Variants in ANO3 observed in about 807,000 individuals in gnomAD.
ANO3 encodes the protein anoctamin 3, also known as anoctamin-3.
ANO3 carries 99 observed loss-of-function variants against 144.8 expected under a neutral mutation model. That is an observed-to-expected ratio of 0.68 (90% confidence interval 0.58 to 0.81). The LOEUF (loss-of-function observed/expected upper bound fraction) is 0.81. Among genes scored for constraint, ANO3 ranks in the 30% least tolerant of loss-of-function variants. The pLI is 0.00. For synonymous variants in ANO3, 414 were observed against 392.6 expected (o/e 1.05, Z -0.64); for missense variants, 905 against 1,202.2 (o/e 0.75, Z 3.66).
At chr11:26,383,193 T>A (rs1856632528) in intron 1 of ANO3, among the ~76,000 whole-genome samples, 1 of 152,178 alleles carries the variant, frequency 6.6e-6, no homozygotes, top group African/African-American at 2.4e-5. Context: ...CATAATCACT[T>A]CTGAGATAGA....
chr11:26,407,783 G>T (rs1422806021), intron 1 of ANO3, among the ~76,000 whole-genome samples: 9 of 151,776 alleles, frequency 5.9e-5, no homozygotes, highest in Non-Finnish European at 1.3e-4. Flanking sequence ...TTTGAGAGCT[G>T]CTCCATGCTT....
chr11:26,615,414 ATTTT>A (rs66840659), intron 17 of ANO3, among the ~76,000 whole-genome samples: 2 of 130,682 alleles, frequency 1.5e-5, no homozygotes, highest in African/African-American at 3.0e-5. Context: ...ATATATATAT[ATTTT>A]TTTTTTTTCA....
chr11:26,480,189 T>C (rs1860155044), intron 4 of ANO3, among the ~76,000 whole-genome samples: 2 of 152,192 alleles, frequency 1.3e-5, no homozygotes, highest in African/African-American at 4.8e-5. Flanking sequence ...CAAACTTCCG[T>C]GATATTCTTC....
At chr11:26,443,905 A>C (rs970342798) in intron 3 of ANO3, 69 bp downstream of exon 3, 2 of 1,078,916 alleles carry the variant, frequency 1.9e-6, no homozygotes, top group African/African-American at 3.2e-5. Flanking sequence ...TCTTCTAAAA[A>C]AAACTAGCAT....
chr11:26,544,246 TTATACATATATATA>T lies in ANO3; in HGVS notation c.1154+2183_1154+2196del, dbSNP rs1317571056. On this transcript the variant is annotated intron_variant, in intron 11 of 26. Transcript: ENST00000256737. ...TTTTTTAAGGTTAAGTAGTATTTCA[TTATACATATATATA>T]TATATATATATATACACACATACAC... Among the ~76,000 whole-genome samples, 30 of 14,072 alleles carry T rather than the reference TTATACATATATATA, an allele frequency of 2.1e-3. No individual in the cohort carries two copies. The South Asian group carries it at 0.14, about 67-fold the overall frequency. The allele number at this position is 14,072 out of a possible 152,430, so 9.2% of individuals were successfully genotyped here.
intron 20 of ANO3, among the ~76,000 whole-genome samples, chr11:26,637,138 G>A (rs2133048233): frequency 6.6e-6 from 1 of 152,206 alleles, no homozygotes; most frequent in South Asian, 2.1e-4. Context: ...CCACCATTAT[G>A]TGAATGGACA....
intron 6 of ANO3, among the ~76,000 whole-genome samples, chr11:26,518,012 C>A (rs1861924846): frequency 6.6e-6 from 1 of 151,970 alleles, no homozygotes; most frequent in Non-Finnish European, 1.5e-5. Flanking sequence ...TTTAAAAATT[C>A]TCTATAGACT....
At chr11:26,497,919 C>A (rs1861031908) in intron 4 of ANO3, among the ~76,000 whole-genome samples, 1 of 151,912 alleles carries the variant, frequency 6.6e-6, no homozygotes, top group Admixed American at 6.6e-5. Context: ...TCAGTAAATT[C>A]TAAAGTCTTT....
chr11:26,492,731 A>G (rs768835270), intron 4 of ANO3, among the ~76,000 whole-genome samples: 16 of 152,234 alleles, frequency 1.1e-4, no homozygotes, highest in Non-Finnish European at 1.0e-4. Context: ...TATGCCTAAA[A>G]TAGTAAAAGG....
chr11:26,299,584 G>A (rs756532432), intron 1 of ANO3, among the ~76,000 whole-genome samples: 2 of 151,834 alleles, frequency 1.3e-5, no homozygotes, highest in African/African-American at 2.4e-5. Flanking sequence ...AGACCTATTT[G>A]TATAGTGATG....
At chr11:26,356,113 C>T (rs941509773) in intron 1 of ANO3, among the ~76,000 whole-genome samples, 1 of 151,592 alleles carries the variant, frequency 6.6e-6, no homozygotes, top group Non-Finnish European at 1.5e-5. Flanking sequence ...CATTTTTCAC[C>T]TATTTGTCTT....
intron 3 of ANO3, among the ~76,000 whole-genome samples, chr11:26,446,058 C>T (rs1443809126): frequency 6.6e-6 from 1 of 152,074 alleles, no homozygotes; most frequent in Non-Finnish European, 1.5e-5. Flanking sequence ...TCTCAAACTC[C>T]CAACCTCAGG....
intron 1 of ANO3, among the ~76,000 whole-genome samples, chr11:26,193,769 A>G (rs1238293281): frequency 6.6e-6 from 1 of 152,192 alleles, no homozygotes; most frequent in East Asian, 1.9e-4. Flanking sequence ...TTGAATACTT[A>G]TAATAATTGA....
At chr11:26,425,452 A>C (rs1227860399) in intron 1 of ANO3, among the ~76,000 whole-genome samples, 2 of 152,066 alleles carry the variant, frequency 1.3e-5, no homozygotes, top group Admixed American at 6.6e-5. Flanking sequence ...TTACTCATAA[A>C]GTGACCACAA....
chr11:26,513,098 C>A (rs1305590141), intron 5 of ANO3, among the ~76,000 whole-genome samples: 4 of 151,904 alleles, frequency 2.6e-5, no homozygotes, highest in African/African-American at 7.3e-5. Context: ...AAAGATAAGG[C>A]AAGAACCGAC....
At chr11:26,270,471 T>C (rs1329515451) in intron 1 of ANO3, among the ~76,000 whole-genome samples, 2 of 152,212 alleles carry the variant, frequency 1.3e-5, no homozygotes, top group African/African-American at 2.4e-5. Flanking sequence ...CTTGTGTACA[T>C]ACTTTTATTC....
Position 26,595,404 on chromosome 11 carries a change from G to A in ANO3, c.1448-2961G>A, listed in dbSNP as rs555149053. ...TTCCCATAAACAACAGTTCTTATGC[G>A]AATTCGTTTTGGAGAGGGTGTAGGT... is the stretch of plus-strand genomic sequence containing the variant. On this transcript the variant is annotated intron_variant, in intron 14 of 26. Transcript: ENST00000256737. Among the ~76,000 whole-genome samples, 7 of 144,396 alleles carry A rather than the reference G, an allele frequency of 4.8e-5. No homozygotes were observed. In the East Asian group the frequency reaches 8.5e-4, roughly 18 times the overall value. 94.7% of individuals were successfully genotyped at this position (144,396 alleles called of 152,430 possible).
chr11:26,231,724 C>T (rs1211564038), intron 1 of ANO3, among the ~76,000 whole-genome samples: 2 of 152,150 alleles, frequency 1.3e-5, no homozygotes, highest in Non-Finnish European at 2.9e-5. Flanking sequence ...GAATAATAGG[C>T]CCTGTCTCAT....
intron 1 of ANO3, among the ~76,000 whole-genome samples, chr11:26,407,985 A>G (rs1024901148): frequency 1.3e-5 from 2 of 152,058 alleles, no homozygotes; most frequent in African/African-American, 4.8e-5. Context: ...AAGATGGATT[A>G]AAGACTTACA....
Sources: gnomAD v4.1 joint callset for allele counts (sites outside exome capture counted in the v4.1 genomes callset) on GRCh38, gnomAD v4.1.1 for gene constraint, MANE v1.5 for transcripts, NCBI Gene and HGNC (gene_info 2026-07-23, HGNC 2026-07-21) for gene names.